DENND4B: variants seen among roughly 807,000 people sequenced by gnomAD.
DENND4B encodes the protein DENN domain-containing protein 4B.
Under a neutral mutation model 161.0 loss-of-function variants are expected in DENND4B, and 67 were observed. That is an observed-to-expected ratio of 0.42 (90% CI 0.34 to 0.51). The LOEUF (loss-of-function observed/expected upper bound fraction) is 0.51, where lower values mean the gene tolerates loss of function less well. Ranked by LOEUF, DENND4B falls within the 20% of genes least tolerant of loss-of-function variation. The pLI is 0.08. For missense variants in DENND4B, 1,481 were observed against 1,968.0 expected (o/e 0.75, Z 4.68); for synonymous variants, 753 against 813.8 (o/e 0.93, Z 1.27).
In DENND4B at chr1:153,936,461, C is replaced by G; in HGVS notation, c.2439+81G>C. On this transcript the variant is annotated intron_variant, in intron 16 of 27. Transcript: ENST00000361217. The surrounding 1 kb of genome is among the most constrained non-coding windows in gnomAD (Gnocchi z 4.1). ...TGCAACTTCTTTCCTTAGTCTCCACCAAGTTTCCCTCTCACAGCCCTCTCC... is the reference window on the plus strand; with the variant it reads ...TGCAACTTCTTTCCTTAGTCTCCACGAAGTTTCCCTCTCACAGCCCTCTCC... 7.0e-7 allele frequency: 1 copy of G among 1,422,942 alleles called. No homozygotes were observed. Among genetic ancestry groups the G allele is most frequent in the South Asian group, 1.4e-5 (1 of 69,212 alleles). The allele number at this position is 1,422,942 out of a possible 1,614,324, so 88.1% of individuals were successfully genotyped here.
At position 153,937,970 on chromosome 1, in the gene DENND4B, GAC is replaced by G. The variant is rs553608866; in HGVS notation, c.1966-109_1966-108del. ...AGGAAAGCTCATCCACAAGGAAAGA[GAC>G]ACAGCCTGGGAAGATGGCGTCAGGA... On this transcript the variant is annotated intron_variant, in intron 13 of 27. Transcript: ENST00000361217. The surrounding 1 kb of genome is among the most constrained non-coding windows in gnomAD (Gnocchi z 4.7). 5 of 1,510,028 alleles carry G rather than the reference GAC, an allele frequency of 3.3e-6. No homozygotes were observed. Among genetic ancestry groups the G allele is most frequent in the South Asian group, 1.2e-5 (1 of 83,408 alleles). 93.5% of individuals were successfully genotyped at this position (1,510,028 alleles called of 1,614,324 possible).
At position 153,944,406 on chromosome 1, in the gene DENND4B, G is replaced by C. The variant is rs1679857733; in HGVS notation, c.-23-9C>G. 2 of 1,573,952 alleles carry C rather than the reference G, an allele frequency of 1.3e-6. No individual in the cohort carries two copies. The highest frequency in any genetic ancestry group is 2.7e-5 in the African/African-American group (2 of 73,796). On this transcript the variant is annotated splice_polypyrimidine_tract_variant and intron_variant, in intron 1 of 27. Coordinates refer to ENST00000361217, the MANE Select transcript of DENND4B (RefSeq NM_014856.3). This position sits in a 1 kb window ranked among gnomAD's most constrained non-coding sequence, Gnocchi z 4.8. ...CCCCTCACTCACTGCATCTGGAATG[G>C]TCAAGTGGGAGAGAGATGAAGCAAG...
rs1679403605 is a variant in DENND4B at position 153,937,319 on chromosome 1, T to C, written c.2232+169A>G. On this transcript the variant is annotated intron_variant, in intron 15 of 27. Transcript: ENST00000361217. The surrounding 1 kb of genome is among the most constrained non-coding windows in gnomAD (Gnocchi z 4.7). The stretch of plus-strand genomic sequence containing the variant: ...ATGATGATGATAATGACAGTGATAA[T>C]AGCAACTAATGTTTATACAGGGTTG... Among the ~76,000 whole-genome samples, 1 of 152,246 alleles carries C rather than the reference T, an allele frequency of 6.6e-6. No homozygotes were observed. The highest frequency in any genetic ancestry group is 2.4e-5 in the African/African-American group (1 of 41,456).
At chr1:153,935,365 G>A (rs1019989755) in intron 17 of DENND4B, 7 of 174,012 alleles carry the variant, frequency 4.0e-5, no homozygotes, top group African/African-American at 7.2e-5. Context: ...CTTTTTTTTC[G>A]AGACGGAGTC....
chr1:153,946,466 C>T lies in DENND4B; in HGVS notation c.-189G>A. On this transcript the variant is annotated 5_prime_UTR_variant, in exon 1 of 28. Transcript: ENST00000361217. The surrounding 1 kb of genome is among the most constrained non-coding windows in gnomAD (Gnocchi z 6.3). Reference sequence around the variant, plus strand: ...AGGAAGAAGAGGCGGCCGAGGACCGCAGAGCGCGGGGCGCAGTGGAAGGAG... The same window carrying T: ...AGGAAGAAGAGGCGGCCGAGGACCGTAGAGCGCGGGGCGCAGTGGAAGGAG... 2 of 389,732 alleles carry T rather than the reference C, an allele frequency of 5.1e-6. No homozygotes were observed. Among genetic ancestry groups the T allele is most frequent in the Non-Finnish European group, 9.1e-6 (2 of 220,182 alleles). 24.1% of individuals were successfully genotyped at this position (389,732 alleles called of 1,614,324 possible).
intron 11 of DENND4B, 44 bp from the exon 12 acceptor site, chr1:153,939,848 T>C (rs1362391160): frequency 1.3e-6 from 2 of 1,588,146 alleles, no homozygotes; most frequent in Admixed American, 1.7e-5. Context: ...GCTCCCATAG[T>C]GTTACCCTCA....
Position 153,944,386 on chromosome 1 carries a change from C to A in DENND4B, c.-12G>T. ...CGCTCCTCCGCCATGGCCCCCCCCT[C>A]ACTCACTGCATCTGGAATGGTCAAG... On this transcript the variant is annotated 5_prime_UTR_variant, in exon 2 of 28. Transcript: ENST00000361217. The surrounding 1 kb of genome is among the most constrained non-coding windows in gnomAD (Gnocchi z 4.8). 6.3e-7 allele frequency: 1 copy of A among 1,597,386 alleles called. No individual in the cohort carries two copies. The highest frequency in any genetic ancestry group is 2.3e-5 in the East Asian group (1 of 44,364).
chr1:153,937,508 C>T lies in DENND4B; in HGVS notation c.2212G>A (p.Ala738Thr). The change falls in exon 15 of 28, where the codon GCT becomes ACT. Residue 738 changes from alanine (A) to threonine (T), a missense_variant. Physicochemically the swap from Ala to Thr is moderately conservative, Grantham distance 58. Around this residue, in one of 3 missense-constraint regions of DENND4B, gnomAD observed 806 missense variants for 1,134.4 expected, o/e 0.71. Transcript: ENST00000361217. The surrounding 1 kb of genome is among the most constrained non-coding windows in gnomAD (Gnocchi z 4.7). ...GPSRSAPSSPAPRRTKQEMKV... is the reference protein window; with the variant it reads ...GPSRSAPSSPTPRRTKQEMKV... Reference sequence around the variant, plus strand: ...CTTACCTGTTTGGTACGGCGAGGAGCAGGACTGCTGGGGGCGCTACGGGAA... The same window carrying T: ...CTTACCTGTTTGGTACGGCGAGGAGTAGGACTGCTGGGGGCGCTACGGGAA... The T allele has an allele frequency of 1.3e-6, 2 of 1,577,832 alleles. No homozygotes were observed. The highest frequency in any genetic ancestry group is 1.7e-6 in the Non-Finnish European group (2 of 1,161,786).
intron 1 of DENND4B, among the ~76,000 whole-genome samples, chr1:153,945,458 T>G: frequency 6.6e-6 from 1 of 152,020 alleles, no homozygotes; most frequent in East Asian, 1.9e-4. Context: ...GGTTCCAGGA[T>G]GTGCAGTCCT....
rs373068402 is a variant in DENND4B, at chr1:153,940,227, C to T, written c.1532G>A (p.Arg511Gln). 20 of 1,601,954 alleles carry T rather than the reference C, an allele frequency of 1.2e-5. No individual in the cohort carries two copies. Among genetic ancestry groups the T allele is most frequent in the South Asian group, 4.5e-5 (4 of 89,400 alleles). Reference protein sequence around the residue: ...QTEEKKLLSPRTLPRRPYKVL... With the variant: ...QTEEKKLLSPQTLPRRPYKVL... ...CTTGTAGGGTCTGCGGGGCAGGGTC[C>T]GAGGGGAGAGGAGCTTCTTTTCCTC... The change falls in exon 11 of 28, where the codon CGG becomes CAG. Residue 511 changes from arginine (R) to glutamine (Q), a missense_variant. Physicochemically the swap from Arg to Gln is conservative, Grantham distance 43. Around this residue, in one of 3 missense-constraint regions of DENND4B, gnomAD observed 806 missense variants for 1,134.4 expected, o/e 0.71. Transcript: ENST00000361217. The surrounding 1 kb of genome is among the most constrained non-coding windows in gnomAD (Gnocchi z 5.6).
Position 153,937,977 on chromosome 1 carries a change from C to T in DENND4B, c.1966-114G>A, listed in dbSNP as rs2102042830. On this transcript the variant is annotated intron_variant, in intron 13 of 27. Transcript: ENST00000361217. This position sits in a 1 kb window ranked among gnomAD's most constrained non-coding sequence, Gnocchi z 4.7. ...CTCATCCACAAGGAAAGAGACACAG[C>T]CTGGGAAGATGGCGTCAGGAACGGG... The T allele has an allele frequency of 1.4e-6, 2 of 1,479,786 alleles. No homozygotes were observed. The highest frequency in any genetic ancestry group is 2.2e-4 in the Middle Eastern group (1 of 4,618). 91.7% of individuals were successfully genotyped at this position (1,479,786 alleles called of 1,614,324 possible).
chr1:153,940,687 T>C lies in DENND4B; in HGVS notation c.1327-81A>G, dbSNP rs1679615279. On this transcript the variant is annotated intron_variant, in intron 9 of 27. Transcript: ENST00000361217. This position sits in a 1 kb window ranked among gnomAD's most constrained non-coding sequence, Gnocchi z 5.6. ...GCACAGGAGAGAGAAAGAGAGGGCATTGGCCTTGGGGAGTTGGTGCCTGTT... is the reference window on the plus strand; with the variant it reads ...GCACAGGAGAGAGAAAGAGAGGGCACTGGCCTTGGGGAGTTGGTGCCTGTT... The C allele has an allele frequency of 3.2e-6, 5 of 1,542,014 alleles. No individual in the cohort carries two copies. The highest frequency in any genetic ancestry group is 1.9e-4 in the Middle Eastern group (1 of 5,284).
Position 153,942,076 on chromosome 1 carries a change from G to T in DENND4B, c.848C>A (p.Pro283Gln). ...CTGTCGCTCTGATAGCCTGGCCCTTGGGAACGCCTCGTAGAACTGCAGGGC... is the reference window on the plus strand; with the variant it reads ...CTGTCGCTCTGATAGCCTGGCCCTTTGGAACGCCTCGTAGAACTGCAGGGC... ...GAALQFYEAFPRARLSERQAR... is the reference protein window; with the variant it reads ...GAALQFYEAFQRARLSERQAR... The change falls in exon 6 of 28, where the codon CCA becomes CAA. Residue 283 changes from proline to glutamine, a missense_variant. Transcript: ENST00000361217. The surrounding 1 kb of genome is among the most constrained non-coding windows in gnomAD (Gnocchi z 6.9). 1 of 1,612,908 alleles carries T rather than the reference G, an allele frequency of 6.2e-7. No individual in the cohort carries two copies. The highest frequency in any genetic ancestry group is 8.5e-7 in the Non-Finnish European group (1 of 1,179,524).
At chr1:153,945,341 G>C (rs573154813) in intron 1 of DENND4B, 18 of 366,784 alleles carry the variant, frequency 4.9e-5, no homozygotes, top group Non-Finnish European at 9.4e-5. Context: ...GGTGTGTGTG[G>C]TGGCGGTGGC....
rs780443168 is a variant in DENND4B, at chr1:153,940,855, G to A, written c.1326+49C>T. 1 of 1,529,774 alleles carries A rather than the reference G, an allele frequency of 6.5e-7. No individual in the cohort carries two copies. Among genetic ancestry groups the A allele is most frequent in the South Asian group, 1.3e-5 (1 of 78,384 alleles). The allele number at this position is 1,529,774 out of a possible 1,614,324, so 94.8% of individuals were successfully genotyped here. A position where few individuals can be genotyped will look rare whatever the true frequency, so the allele number is the denominator to read the frequency against. The stretch of plus-strand genomic sequence containing the variant: ...AGTCCAGGCAGGGATAGGGGCACCA[G>A]AAAGAACCATGGTTCTGGGGAAGAT... On this transcript the variant is annotated intron_variant, in intron 9 of 27. Coordinates refer to ENST00000361217, the MANE Select transcript of DENND4B (RefSeq NM_014856.3). The surrounding 1 kb of genome is among the most constrained non-coding windows in gnomAD (Gnocchi z 5.6).
rs1367961346 is a variant in DENND4B at position 153,942,644 on chromosome 1, G to A, written c.571-19C>T. On this transcript the variant is annotated intron_variant, in intron 3 of 27. Transcript: ENST00000361217. This position sits in a 1 kb window ranked among gnomAD's most constrained non-coding sequence, Gnocchi z 6.9. Reference sequence around the variant, plus strand: ...GGCCCCACTACCCCAGAAATGGCAAGAGACAAGCAGATACATAGCTAACAA... The same window carrying A: ...GGCCCCACTACCCCAGAAATGGCAAAAGACAAGCAGATACATAGCTAACAA... 8 of 1,577,014 alleles carry A rather than the reference G, an allele frequency of 5.1e-6. No homozygotes were observed. Among genetic ancestry groups the A allele is most frequent in the African/African-American group, 2.7e-5 (2 of 73,830 alleles).
Position 153,931,082 on chromosome 1 carries a change from G to C in DENND4B, c.3997-18C>G. On this transcript the variant is annotated intron_variant, in intron 24 of 27. Transcript: ENST00000361217. ...GATGGGGCCTGGGGGAGCCAAGATA[G>C]TGGAGACAGTTAGGCTCAACGAATG... 6.3e-7 allele frequency: 1 copy of C among 1,590,332 alleles called. No individual in the cohort carries two copies. The highest frequency in any genetic ancestry group is 8.6e-7 in the Non-Finnish European group (1 of 1,165,594).
rs1352012467 is a variant in DENND4B, at chr1:153,944,705, C to T, written c.-23-308G>A. ...CCTTTTAAAGGCTCACCAGTTATAA[C>T]ATCACAGAGATCACAATCTTTTTTG... On this transcript the variant is annotated intron_variant, in intron 1 of 27. Transcript: ENST00000361217. The surrounding 1 kb of genome is among the most constrained non-coding windows in gnomAD (Gnocchi z 4.8). Among the ~76,000 whole-genome samples the T allele has an allele frequency of 2.0e-5, 3 of 152,188 alleles. No individual in the cohort carries two copies. Among genetic ancestry groups the T allele is most frequent in the Non-Finnish European group, 4.4e-5 (3 of 68,032 alleles).
rs1678990145 is a variant in DENND4B, at chr1:153,932,125, A to G, written c.3996+79T>C. On this transcript the variant is annotated intron_variant, in intron 24 of 27. Transcript: ENST00000361217. This position sits in a 1 kb window ranked among gnomAD's most constrained non-coding sequence, Gnocchi z 5.8. ...CCTGGCCAGTCTATGCTCTTTCTAC[A>G]GTGCCAAGGACACAGTGGACAAATG... 1 of 1,344,404 alleles carries G rather than the reference A, an allele frequency of 7.4e-7. No homozygotes were observed. Among genetic ancestry groups the G allele is most frequent in the Non-Finnish European group, 1.0e-6 (1 of 968,590 alleles). 83.3% of individuals were successfully genotyped at this position (1,344,404 alleles called of 1,614,324 possible).
Sources: gnomAD v4.1 joint callset for allele counts (sites outside exome capture counted in the v4.1 genomes callset) on GRCh38, gnomAD v4.1.1 for gene constraint, gnomAD v4.1.1 regional missense constraint, Gnocchi (gnomAD v3.1) non-coding constraint, MANE v1.5 for transcripts, NCBI Gene and HGNC (gene_info 2026-07-23, HGNC 2026-07-21) for gene names.